GALNT13: variants seen among roughly 807,000 people sequenced by gnomAD.
The protein encoded by GALNT13 is polypeptide N-acetylgalactosaminyltransferase 13, also known as UDP-GalNAc:polypeptide N-acetylgalactosaminyltransferase 13.
A neutral mutation model predicts 64.2 loss-of-function variants in GALNT13; 28 were observed. That is an observed-to-expected ratio of 0.44 (90% CI 0.32 to 0.60). GALNT13 has a LOEUF of 0.60. Ranked by LOEUF, GALNT13 falls within the 20% of genes least tolerant of loss-of-function variation. The pLI, the probability that GALNT13 is intolerant of heterozygous loss-of-function variation, is 0.05. For missense variants in GALNT13, 577 were observed against 669.8 expected (o/e 0.86, Z 1.53); for synonymous variants, 214 against 224.6 (o/e 0.95, Z 0.42).
At chr2:154,375,789 C>T (rs1162123875) in intron 9 of GALNT13, among the ~76,000 whole-genome samples, 1 of 152,082 alleles carries the variant, frequency 6.6e-6, no homozygotes, top group Non-Finnish European at 1.5e-5. Flanking sequence ...TTAGCAAATC[C>T]GACTGCATGT....
At chr2:153,072,804 C>T in the GALNT13 span, among the ~76,000 whole-genome samples, 2 of 152,270 alleles carry the variant, frequency 1.3e-5, no homozygotes, top group South Asian at 4.1e-4. Flanking sequence ...ACTATTCATC[C>T]TTTGCATAAA....
At chr2:153,116,999 C>T in the GALNT13 span, among the ~76,000 whole-genome samples, 5 of 151,816 alleles carry the variant, frequency 3.3e-5, no homozygotes, top group Non-Finnish European at 7.4e-5. Flanking sequence ...TGGGGTTTCA[C>T]CATGTTAGCC....
the GALNT13 span, among the ~76,000 whole-genome samples, chr2:153,095,811 C>T: frequency 6.6e-6 from 1 of 151,998 alleles, no homozygotes; most frequent in Non-Finnish European, 1.5e-5. Context: ...ACTGGATGTT[C>T]TCACTCATAG....
At chr2:153,481,566 G>T in the GALNT13 span, among the ~76,000 whole-genome samples, 14,489 of 152,186 alleles carry the variant, frequency 0.095, 958 homozygotes, top group African/African-American at 0.18. Flanking sequence ...ACTAACTGCT[G>T]TATTTATTTA....
intron 10 of GALNT13, among the ~76,000 whole-genome samples, chr2:154,399,724 A>G (rs374250328): frequency 6.6e-6 from 1 of 152,200 alleles, no homozygotes; most frequent in Non-Finnish European, 1.5e-5. Flanking sequence ...CATTCAGACC[A>G]TATCAAACTA....
the GALNT13 span, among the ~76,000 whole-genome samples, chr2:153,429,501 A>G: frequency 1.3e-5 from 2 of 152,160 alleles, no homozygotes; most frequent in Non-Finnish European, 2.9e-5. Flanking sequence ...GTGCTAAATA[A>G]TCAGAAAAGT....
chr2:154,377,266 G>A (rs1399369878), intron 9 of GALNT13, among the ~76,000 whole-genome samples: 3 of 140,676 alleles, frequency 2.1e-5, no homozygotes, highest in African/African-American at 5.1e-5. Flanking sequence ...TCTTTTCTGG[G>A]TTGTCTGGGT....
intron 3 of GALNT13, among the ~76,000 whole-genome samples, chr2:153,959,241 G>C (rs1445582541): frequency 6.6e-6 from 1 of 152,044 alleles, no homozygotes; most frequent in African/African-American, 2.4e-5. Flanking sequence ...AACCAATGAG[G>C]GTCCCCTCAC....
At chr2:153,227,419 T>G in the GALNT13 span, among the ~76,000 whole-genome samples, 3 of 152,042 alleles carry the variant, frequency 2.0e-5, no homozygotes, top group African/African-American at 7.2e-5. Context: ...GGAGTGGAGA[T>G]GAAGACCATT....
chr2:153,478,708 G>A, the GALNT13 span: 1 of 694,052 alleles, frequency 1.4e-6, no homozygotes, highest in Non-Finnish European at 2.4e-6. Context: ...AAAGTCCCTG[G>A]GCCGTGGGAG....
chr2:153,873,033 A>G (rs1686093493), intron 1 of GALNT13, among the ~76,000 whole-genome samples: 1 of 151,956 alleles, frequency 6.6e-6, no homozygotes, highest in South Asian at 2.1e-4. Context: ...CCGTTTTGCA[A>G]CATTTGTTCT....
chr2:153,773,574 C>A, the GALNT13 span, among the ~76,000 whole-genome samples: 18 of 152,112 alleles, frequency 1.2e-4, no homozygotes, highest in Non-Finnish European at 2.1e-4. Context: ...GAAAAGATTT[C>A]CCCTCTTTTT....
chr2:153,971,018 G>A (rs932701513), intron 3 of GALNT13, among the ~76,000 whole-genome samples: 2 of 152,138 alleles, frequency 1.3e-5, no homozygotes, highest in Non-Finnish European at 2.9e-5. Flanking sequence ...ATTGACTTTA[G>A]GTCTTGGTAT....
chr2:153,641,274 A>G, the GALNT13 span, among the ~76,000 whole-genome samples: 4 of 152,172 alleles, frequency 2.6e-5, no homozygotes, highest in African/African-American at 7.2e-5. Flanking sequence ...CCTGTATGAA[A>G]CAGTGTCTCA....
At chr2:154,024,818 G>A (rs1402963180) in intron 3 of GALNT13, among the ~76,000 whole-genome samples, 1 of 152,074 alleles carries the variant, frequency 6.6e-6, no homozygotes, top group Non-Finnish European at 1.5e-5. Context: ...TCCCATCTTT[G>A]TGGTTTTATC....
chr2:154,160,435 C>A (rs538394835), intron 4 of GALNT13, among the ~76,000 whole-genome samples: 9 of 152,204 alleles, frequency 5.9e-5, no homozygotes, highest in Non-Finnish European at 1.2e-4. Flanking sequence ...CTTACCATAT[C>A]CACTTCCCTG....
intron 2 of GALNT13, among the ~76,000 whole-genome samples, chr2:153,904,496 C>A (rs1022973459): frequency 2.0e-5 from 3 of 151,726 alleles, no homozygotes; most frequent in Non-Finnish European, 4.4e-5. Flanking sequence ...TTAGTATAAT[C>A]ATTTCTTTTA....
intron 3 of GALNT13, among the ~76,000 whole-genome samples, chr2:153,952,114 A>G (rs1382012111): frequency 1.3e-5 from 2 of 152,156 alleles, no homozygotes; most frequent in Admixed American, 6.5e-5. Flanking sequence ...CTGACTCCTA[A>G]ATGGTATGGA....
At chr2:154,384,055 G>C (rs966813607) in intron 9 of GALNT13, among the ~76,000 whole-genome samples, 1 of 151,842 alleles carries the variant, frequency 6.6e-6, no homozygotes, top group Non-Finnish European at 1.5e-5. Context: ...CAGCAAATAT[G>C]TGTTTGCTAC....
Sources: gnomAD v4.1 joint callset for allele counts (sites outside exome capture counted in the v4.1 genomes callset) on GRCh38, gnomAD v4.1.1 for gene constraint, MANE v1.5 for transcripts, NCBI Gene and HGNC (gene_info 2026-07-23, HGNC 2026-07-21) for gene names.